The following CCSER1 variants were observed in gnomAD, a reference collection of about 807,000 sequenced individuals.
CCSER1 encodes serine-rich coiled-coil domain-containing protein 1.
A neutral mutation model predicts 82.0 loss-of-function variants in CCSER1; 41 were observed. The ratio of observed to expected loss-of-function variants is 0.50; its 90% CI spans 0.39 to 0.65. CCSER1 has a LOEUF of 0.65. Ranked by LOEUF, CCSER1 falls within the 30% of genes least tolerant of loss-of-function variation. The pLI is 0.00. For synonymous variants in CCSER1, 414 were observed against 383.9 expected (o/e 1.08, Z -0.92); for missense variants, 1,119 against 1,064.2 (o/e 1.05, Z -0.72).
At chr4:90,813,997 G>T (rs1580606935) in intron 7 of CCSER1, among the ~76,000 whole-genome samples, 1 of 152,198 alleles carries the variant, frequency 6.6e-6, no homozygotes, top group Non-Finnish European at 1.5e-5. Context: ...CCCTGCAGCA[G>T]ACTTCTGCCT....
In CCSER1 at chr4:91,557,095, T is replaced by C. The variant is rs1762442222; in HGVS notation, c.2218-41477T>C. On this transcript the variant is annotated intron_variant, in intron 10 of 10. Coordinates refer to ENST00000509176, the MANE Select transcript of CCSER1 (RefSeq NM_001145065.2). ...AATGTAGGGAAAGGAGGTTACACTT[T>C]GAAATTCTTTCTTGACTCAGAGTGT... Among the ~76,000 whole-genome samples the C allele has an allele frequency of 2.0e-5, 3 of 148,134 alleles. No homozygotes were observed. In the South Asian group the frequency reaches 6.4e-4, roughly 31 times the overall value.
intron 6 of CCSER1, among the ~76,000 whole-genome samples, chr4:90,694,800 GT>G (rs1736702091): frequency 4.2e-5 from 3 of 71,738 alleles, no homozygotes; most frequent in Non-Finnish European, 4.0e-5. Context: ...TGTGTGGGGT[GT>G]GTGTGTGTGT....
At chr4:90,657,458 A>C (rs928519994) in intron 6 of CCSER1, among the ~76,000 whole-genome samples, 9 of 152,126 alleles carry the variant, frequency 5.9e-5, no homozygotes, top group Admixed American at 2.6e-4. Context: ...ATCTTTTCAA[A>C]TGTTGCTTCT....
chr4:90,307,187 C>A (rs1734442651), intron 1 of CCSER1, among the ~76,000 whole-genome samples: 1 of 152,080 alleles, frequency 6.6e-6, no homozygotes, highest in Non-Finnish European at 1.5e-5. Context: ...TGGTACGTAG[C>A]AGTTGATGAG....
intron 6 of CCSER1, among the ~76,000 whole-genome samples, chr4:90,644,331 A>T (rs189715961): frequency 6.6e-6 from 1 of 152,298 alleles, no homozygotes; most frequent in East Asian, 1.9e-4. Context: ...AGTTTTGTTC[A>T]TGAAGTAAAC....
chr4:90,658,342 A>G (rs577356808), intron 6 of CCSER1, among the ~76,000 whole-genome samples: 1 of 152,318 alleles, frequency 6.6e-6, no homozygotes, highest in African/African-American at 2.4e-5. Flanking sequence ...TAATCCAATC[A>G]GGAATTAAAG....
intron 4 of CCSER1, among the ~76,000 whole-genome samples, chr4:90,460,821 GA>G (rs1762802146): frequency 6.6e-6 from 1 of 152,054 alleles, no homozygotes; most frequent in African/African-American, 2.4e-5. Flanking sequence ...AATGTGCTGA[GA>G]ATTGTATTTC....
At chr4:91,568,651 A>C (rs1763016594) in intron 10 of CCSER1, among the ~76,000 whole-genome samples, 1 of 151,968 alleles carries the variant, frequency 6.6e-6, no homozygotes, top group Non-Finnish European at 1.5e-5. Flanking sequence ...AATACTTGGG[A>C]TTGCATTGTG....
chr4:91,389,730 A>G (rs1360640017), intron 10 of CCSER1, among the ~76,000 whole-genome samples: 3 of 151,940 alleles, frequency 2.0e-5, no homozygotes, highest in Admixed American at 1.3e-4. Context: ...CTGTTCATTG[A>G]TTTAGTTTCT....
chr4:90,878,630 T>C (rs978032874), intron 8 of CCSER1, among the ~76,000 whole-genome samples: 1 of 152,114 alleles, frequency 6.6e-6, no homozygotes. Context: ...CTTTACACTA[T>C]AGTTACTTTG....
chr4:90,849,679 C>T (rs1763612520), intron 8 of CCSER1, among the ~76,000 whole-genome samples: 1 of 150,560 alleles, frequency 6.6e-6, no homozygotes, highest in Non-Finnish European at 1.5e-5. Context: ...GTCCCAGCTA[C>T]TTGGGAGGCT....
intron 7 of CCSER1, chr4:90,780,817 G>T: frequency 1.0e-5 from 11 of 1,068,132 alleles, no homozygotes; most frequent in Non-Finnish European, 1.2e-5. Flanking sequence ...ATCTTTTAGA[G>T]ACCATAAACT....
At chr4:90,777,354 CA>C (rs60638334) in intron 7 of CCSER1, among the ~76,000 whole-genome samples, 356 of 58,502 alleles carry the variant, frequency 6.1e-3, no homozygotes, top group Middle Eastern at 0.022. Flanking sequence ...GACTCCATCT[CA>C]AAAAAAAAAA....
At chr4:91,423,411 C>G (rs1053010562) in intron 10 of CCSER1, among the ~76,000 whole-genome samples, 1 of 151,044 alleles carries the variant, frequency 6.6e-6, no homozygotes, top group Admixed American at 6.6e-5. Context: ...GCCTGGGTGA[C>G]AAGTGTGAAA....
intron 10 of CCSER1, among the ~76,000 whole-genome samples, chr4:91,353,376 G>A (rs950325954): frequency 6.6e-6 from 1 of 152,156 alleles, no homozygotes; most frequent in Non-Finnish European, 1.5e-5. Flanking sequence ...GGAGTTTCAC[G>A]ATGTTCTTCT....
intron 10 of CCSER1, among the ~76,000 whole-genome samples, chr4:91,480,995 T>G (rs1221722928): frequency 6.6e-6 from 1 of 151,720 alleles, no homozygotes; most frequent in African/African-American, 2.4e-5. Context: ...AGTCTTAGCC[T>G]TCATCTCTGA....
At chr4:90,590,095 G>A (rs1490177502) in intron 5 of CCSER1, among the ~76,000 whole-genome samples, 1 of 152,070 alleles carries the variant, frequency 6.6e-6, no homozygotes, top group Non-Finnish European at 1.5e-5. Context: ...CCAACCTGGA[G>A]AAACCCTGTC....
At position 91,076,027 on chromosome 4, in the gene CCSER1, T is replaced by G. The variant is rs1336565186; in HGVS notation, c.2173-9923T>G. Reference sequence around the variant, plus strand: ...TAGTACTCAAGAGTAATTTCTGCTATCAGTTAAGGCTTGGCATCTCCCAGA... The same window carrying G: ...TAGTACTCAAGAGTAATTTCTGCTAGCAGTTAAGGCTTGGCATCTCCCAGA... On this transcript the variant is annotated intron_variant, in intron 9 of 10. Coordinates refer to ENST00000509176, the MANE Select transcript of CCSER1 (RefSeq NM_001145065.2). Among the ~76,000 whole-genome samples the G allele has an allele frequency of 3.9e-5, 6 of 152,182 alleles. No homozygotes were observed. In the East Asian group the frequency reaches 1.2e-3, roughly 29 times the overall value.
chr4:90,446,389 C>A (rs971054932), intron 4 of CCSER1, among the ~76,000 whole-genome samples: 1 of 152,132 alleles, frequency 6.6e-6, no homozygotes, highest in Non-Finnish European at 1.5e-5. Flanking sequence ...GAATTACTGT[C>A]AGTATTACAC....
Sources: allele counts gnomAD v4.1 joint callset (sites outside exome capture counted in the v4.1 genomes callset), GRCh38; gene constraint gnomAD v4.1.1; transcripts MANE v1.5; gene names NCBI Gene and HGNC (gene_info 2026-07-23, HGNC 2026-07-21).